LRMDA: variants seen among roughly 807,000 people sequenced by gnomAD.
The protein encoded by LRMDA is leucine rich melanocyte differentiation associated.
In LRMDA, 18 loss-of-function variants were observed where a neutral mutation model predicts 29.8. That is an observed-to-expected ratio of 0.60 (90% CI 0.42 to 0.90). LRMDA has a LOEUF of 0.90. Ranked by LOEUF, LRMDA falls within the 40% of genes least tolerant of loss-of-function variation. The probability of loss-of-function intolerance (pLI) is 0.00; values close to 1 mark genes in which losing one functional copy is unlikely to be tolerated. For missense variants in LRMDA, 273 were observed against 273.9 expected, an observed-to-expected ratio of 1.00 and a Z score of 0.02; for synonymous variants, 125 against 109.4, an observed-to-expected ratio of 1.14 and a Z score of -0.89.
chr10:76,091,871 T>TC (rs1812679841), intron 5 of LRMDA, among the ~76,000 whole-genome samples: 1 of 151,616 alleles, frequency 6.6e-6, no homozygotes, highest in Admixed American at 6.6e-5. Flanking sequence ...AAAAATTTTT[T>TC]TGTATAGATG....
intron 5 of LRMDA, among the ~76,000 whole-genome samples, chr10:76,229,304 G>A (rs770668999): frequency 2.0e-5 from 3 of 152,158 alleles, no homozygotes; most frequent in Non-Finnish European, 4.4e-5. Flanking sequence ...CGTGAGATTC[G>A]AAGCTTATAT....
Position 76,237,702 on chromosome 10 carries a change from A to G in LRMDA, c.517-86699A>G, listed in dbSNP as rs117093536. ...GTGGCAGGGCTGGGAGGATCCCAGA[A>G]AGCGCAGCCATAGGGACTCCAGGGA... On this transcript the variant is annotated intron_variant, in intron 5 of 6. Transcript: ENST00000611255. Among the ~76,000 whole-genome samples, 191 of 151,784 alleles carry G rather than the reference A, an allele frequency of 1.3e-3. 4 individuals carry two copies. The East Asian group carries it at 0.03, about 24-fold the overall frequency.
chr10:75,642,160 T>G (rs1042348972), intron 2 of LRMDA, among the ~76,000 whole-genome samples: 2 of 152,196 alleles, frequency 1.3e-5, no homozygotes, highest in Non-Finnish European at 2.9e-5. Context: ...AAGTTTATCT[T>G]GGTGTGAGGC....
At chr10:76,304,592 C>A (rs911207718) in intron 5 of LRMDA, among the ~76,000 whole-genome samples, 5 of 152,156 alleles carry the variant, frequency 3.3e-5, no homozygotes, top group Non-Finnish European at 5.9e-5. Flanking sequence ...CAGAGGCTGA[C>A]TTAGCCTGGG....
chr10:75,662,127 C>T (rs1841761122), intron 2 of LRMDA, among the ~76,000 whole-genome samples: 1 of 151,334 alleles, frequency 6.6e-6, no homozygotes, highest in Non-Finnish European at 1.5e-5. Flanking sequence ...TTTTTTCTGC[C>T]AAAATTGCTT....
chr10:76,547,639 G>C (rs1330555271), intron 6 of LRMDA, among the ~76,000 whole-genome samples: 2 of 152,070 alleles, frequency 1.3e-5, no homozygotes, highest in Non-Finnish European at 2.9e-5. Context: ...GGTGGTGACG[G>C]GGTGGCTTTT....
At chr10:76,183,980 C>T (rs560754254) in intron 5 of LRMDA, among the ~76,000 whole-genome samples, 15 of 152,128 alleles carry the variant, frequency 9.9e-5, no homozygotes, top group African/African-American at 3.6e-4. Context: ...CCTTGGCCTT[C>T]CAAAGTGCTG....
intron 2 of LRMDA, among the ~76,000 whole-genome samples, chr10:76,022,099 G>C (rs1007477768): frequency 6.6e-6 from 1 of 152,176 alleles, no homozygotes; most frequent in African/African-American, 2.4e-5. Context: ...GATATTAGAA[G>C]AGATCTTAGA....
At chr10:76,070,367 G>T (rs1013019243) in intron 5 of LRMDA, among the ~76,000 whole-genome samples, 2 of 152,240 alleles carry the variant, frequency 1.3e-5, no homozygotes, top group Non-Finnish European at 1.5e-5. Context: ...AAGTCCAGAA[G>T]TTCAAGGTCA....
chr10:75,520,548 C>G (rs747770570), intron 2 of LRMDA, among the ~76,000 whole-genome samples: 3 of 152,208 alleles, frequency 2.0e-5, no homozygotes, highest in African/African-American at 7.2e-5. Context: ...AAGTTCTTCT[C>G]TCTACACTGT....
chr10:76,504,484 C>A (rs1357623694), intron 6 of LRMDA, among the ~76,000 whole-genome samples: 1 of 151,936 alleles, frequency 6.6e-6, no homozygotes, highest in East Asian at 1.9e-4. Flanking sequence ...TTTTATGAAT[C>A]TGGATGCTCC....
At chr10:76,237,277 A>G (rs182160642) in intron 5 of LRMDA, among the ~76,000 whole-genome samples, 173 of 152,364 alleles carry the variant, frequency 1.1e-3, no homozygotes, top group Middle Eastern at 6.8e-3. Flanking sequence ...GTCAGATATT[A>G]TACAAAAATA....
At chr10:75,887,171 AAT>A (rs1192685044) in intron 2 of LRMDA, among the ~76,000 whole-genome samples, 1 of 149,928 alleles carries the variant, frequency 6.7e-6, no homozygotes, top group Non-Finnish European at 1.5e-5. Flanking sequence ...TTTATATATA[AAT>A]ATATGATTTA....
chr10:76,028,165 T>A (rs1394347021), intron 2 of LRMDA, among the ~76,000 whole-genome samples: 1 of 152,186 alleles, frequency 6.6e-6, no homozygotes, highest in Non-Finnish European at 1.5e-5. Flanking sequence ...AAAACTATGT[T>A]AAAATCTAAG....
chr10:76,223,548 A>G (rs1293870539), intron 5 of LRMDA, among the ~76,000 whole-genome samples: 1 of 152,236 alleles, frequency 6.6e-6, no homozygotes, highest in African/African-American at 2.4e-5. Flanking sequence ...AGGGGTCCTC[A>G]GGAAGTGATT....
At chr10:76,529,988 T>G (rs1843217125) in intron 6 of LRMDA, among the ~76,000 whole-genome samples, 1 of 152,148 alleles carries the variant, frequency 6.6e-6, no homozygotes, top group Non-Finnish European at 1.5e-5. Flanking sequence ...GATTTGCCAA[T>G]GGGACTTAGT....
intron 2 of LRMDA, among the ~76,000 whole-genome samples, chr10:75,692,808 G>T (rs1842188087): frequency 5.9e-5 from 9 of 152,096 alleles, no homozygotes; most frequent in Admixed American, 5.9e-4. Flanking sequence ...TGGCAGAGGA[G>T]TACCACCAGA....
At chr10:75,913,494 C>A (rs1346063088) in intron 2 of LRMDA, among the ~76,000 whole-genome samples, 1 of 152,086 alleles carries the variant, frequency 6.6e-6, no homozygotes, top group African/African-American at 2.4e-5. Flanking sequence ...GTTAATTTTT[C>A]TTTTGACTTT....
At chr10:75,588,994 T>A (rs1019011478) in intron 2 of LRMDA, among the ~76,000 whole-genome samples, 2 of 152,262 alleles carry the variant, frequency 1.3e-5, no homozygotes, top group African/African-American at 4.8e-5. Flanking sequence ...TATCCTAATT[T>A]GTTTATTCAA....
Sources: allele counts gnomAD v4.1 joint callset (sites outside exome capture counted in the v4.1 genomes callset), GRCh38; gene constraint gnomAD v4.1.1; transcripts MANE v1.5; gene names NCBI Gene and HGNC (gene_info 2026-07-23, HGNC 2026-07-21).